The following ZBTB5 variants were observed in gnomAD, a reference collection of about 807,000 sequenced individuals.
ZBTB5 encodes the protein zinc finger and BTB domain containing 5.
A neutral mutation model predicts 37.9 loss-of-function variants in ZBTB5; 15 were observed. The ratio of observed to expected loss-of-function variants is 0.40; its 90% CI spans 0.26 to 0.61. ZBTB5 has a LOEUF of 0.61. ZBTB5 is among the 20% of genes least tolerant of loss of function. The pLI is 0.47. For synonymous variants in ZBTB5, 315 were observed against 312.4 expected (o/e 1.01, Z -0.09); for missense variants, 708 against 856.8 (o/e 0.83, Z 2.17).
At chr9:37,455,622 T>C (rs1824172670) in intron 1 of ZBTB5, among the ~76,000 whole-genome samples, 1 of 152,190 alleles carries the variant, frequency 6.6e-6, no homozygotes, top group Non-Finnish European at 1.5e-5. Flanking sequence ...TGCCTGTCTC[T>C]GTGCTCCTCC....
At position 37,440,504 on chromosome 9, in the gene ZBTB5, G is replaced by T; in HGVS notation, c.*14C>A. 1 of 1,611,416 alleles carries T rather than the reference G, an allele frequency of 6.2e-7. No individual in the cohort carries two copies. The highest frequency in any genetic ancestry group is 8.5e-7 in the Non-Finnish European group (1 of 1,177,914). ...TGACAACTGGCCTCAGCGTTGTCTT[G>T]TAAGGACAAACAGCTAGAGCAAAGT... On this transcript the variant is annotated 3_prime_UTR_variant, in exon 2 of 2. Transcript: ENST00000307750.
rs527680785 is a variant in ZBTB5 at position 37,459,989 on chromosome 9, C to T, written c.-5+5226G>A. Among the ~76,000 whole-genome samples, 74 of 143,000 alleles carry T rather than the reference C, an allele frequency of 5.2e-4. No homozygotes were observed. In the East Asian group the frequency reaches 0.015, roughly 28 times the overall value. The allele number at this position is 143,000 out of a possible 152,430, so 93.8% of individuals were successfully genotyped here. On this transcript the variant is annotated intron_variant, in intron 1 of 1. Transcript: ENST00000307750. ...CCTCCCAAAGTGCTGGGATTACAGG[C>T]GTGAGCCACTGCGCCAGGCCATTTT... is the stretch of plus-strand genomic sequence containing the variant.
chr9:37,458,423 C>T (rs1477095750), intron 1 of ZBTB5, among the ~76,000 whole-genome samples: 1 of 152,208 alleles, frequency 6.6e-6, no homozygotes, highest in Non-Finnish European at 1.5e-5. Context: ...CAACTAATTG[C>T]TTTTCTCATG....
At chr9:37,443,720 TAGG>T (rs1023569522) in intron 1 of ZBTB5, among the ~76,000 whole-genome samples, 62 of 152,174 alleles carry the variant, frequency 4.1e-4, no homozygotes, top group African/African-American at 1.4e-3. Context: ...TGCCTGAGCT[TAGG>T]AGTTTGAGAC....
At chr9:37,454,178 C>G (rs1334556032) in intron 1 of ZBTB5, among the ~76,000 whole-genome samples, 1 of 152,122 alleles carries the variant, frequency 6.6e-6, no homozygotes, top group African/African-American at 2.4e-5. Context: ...TTTAAAAATT[C>G]AGTTCATTTG....
chr9:37,456,231 G>A (rs76326480), intron 1 of ZBTB5, among the ~76,000 whole-genome samples: 14 of 152,096 alleles, frequency 9.2e-5, no homozygotes, highest in South Asian at 6.2e-4. Context: ...GATTACAGCC[G>A]TGAGCCACCC....
intron 1 of ZBTB5, among the ~76,000 whole-genome samples, chr9:37,463,729 T>C (rs984142690): frequency 1.3e-5 from 2 of 152,214 alleles, no homozygotes; most frequent in Non-Finnish European, 2.9e-5. Context: ...AGAATTCTGC[T>C]AGAGACATAT....
intron 1 of ZBTB5, among the ~76,000 whole-genome samples, chr9:37,460,331 G>A (rs892185826): frequency 1.2e-4 from 18 of 152,120 alleles, no homozygotes; most frequent in African/African-American, 4.3e-4. Flanking sequence ...CAGCTACTCG[G>A]GGGCTGAGGC....
intron 1 of ZBTB5, among the ~76,000 whole-genome samples, chr9:37,454,997 TAGA>T (rs958774782): frequency 6.6e-6 from 1 of 152,154 alleles, no homozygotes; most frequent in South Asian, 2.1e-4. Flanking sequence ...AAATGCTGGG[TAGA>T]AGAAGGCAGT....
rs534618981 is a variant in ZBTB5 at position 37,460,440 on chromosome 9, C to G, written c.-5+4775G>C. 3.1e-4 allele frequency among the ~76,000 whole-genome samples: 47 copies of G among 151,738 alleles called. No individual in the cohort carries two copies. The South Asian group carries it at 6.2e-3, about 20-fold the overall frequency. On this transcript the variant is annotated intron_variant, in intron 1 of 1. Transcript: ENST00000307750. ...GGGCAATAAGAGTGAACACTCCCCC[C>G]CCAAAAAAATTAGGCCAGATGCGGG...
rs1387684366 is a variant in ZBTB5, at chr9:37,465,255, C to A, written c.-45G>T. The stretch of plus-strand genomic sequence containing the variant: ...CCCCCCTCCTCCTCGCTGAAGGAGG[C>A]GGTGACCCCTCTCCGATCGGACTCG... On this transcript the variant is annotated 5_prime_UTR_variant, in exon 1 of 2. Transcript: ENST00000307750. 1 of 152,166 alleles carries A rather than the reference C, an allele frequency of 6.6e-6. No individual in the cohort carries two copies. The highest frequency in any genetic ancestry group is 2.4e-5 in the African/African-American group (1 of 41,434). 9.4% of individuals were successfully genotyped at this position (152,166 alleles called of 1,614,324 possible).
intron 1 of ZBTB5, among the ~76,000 whole-genome samples, chr9:37,445,408 C>A (rs1008114679): frequency 6.6e-6 from 1 of 151,904 alleles, no homozygotes; most frequent in Non-Finnish European, 1.5e-5. Flanking sequence ...TTTGGGAGAC[C>A]GAGGTAGGTG....
Position 37,441,631 on chromosome 9 carries a change from T to G in ZBTB5, c.921A>C (p.Lys307Asn), listed in dbSNP as rs771377271. The change falls in exon 2 of 2, where the codon AAA becomes AAC. Residue 307 changes from lysine to asparagine, a missense_variant. By Grantham distance (94) the Lys-to-Asn change is moderately conservative. Around this residue, in one of 3 missense-constraint regions of ZBTB5, gnomAD observed 639 missense variants for 690.5 expected, o/e 0.93. Transcript: ENST00000307750. ...TSFDQEAAPE[K>N]SSFQCENPEV... ...CAGGGTTTTCACACTGAAAACTACTTTTCTCAGGTGCAGCTTCCTGATCAA... is the reference window on the plus strand; with the variant it reads ...CAGGGTTTTCACACTGAAAACTACTGTTCTCAGGTGCAGCTTCCTGATCAA... The G allele has an allele frequency of 1.9e-6, 3 of 1,613,584 alleles. No individual in the cohort carries two copies. In the Admixed American group the frequency reaches 5.0e-5, roughly 27 times the overall value.
intron 1 of ZBTB5, among the ~76,000 whole-genome samples, chr9:37,460,455 C>T (rs900990091): frequency 2.0e-5 from 3 of 151,760 alleles, no homozygotes; most frequent in Non-Finnish European, 4.4e-5. Context: ...AAAAATTAGG[C>T]CAGATGCGGG....
chr9:37,441,619 C>A lies in ZBTB5; in HGVS notation c.933G>T (p.Gln311His). The change falls in exon 2 of 2, where the codon CAG (glutamine) becomes CAT (histidine). Residue 311 changes from glutamine (Q) to histidine (H), a missense_variant. Around this residue, in one of 3 missense-constraint regions of ZBTB5, gnomAD observed 639 missense variants for 690.5 expected, o/e 0.93. Transcript: ENST00000307750. ...CAAGGCCAACCTCAGGGTTTTCACA[C>A]TGAAAACTACTTTTCTCAGGTGCAG... ...QEAAPEKSSFQCENPEVGLGE... is the reference protein window; with the variant it reads ...QEAAPEKSSFHCENPEVGLGE... The A allele has an allele frequency of 6.2e-7, 1 of 1,613,406 alleles. No homozygotes were observed.
intron 1 of ZBTB5, among the ~76,000 whole-genome samples, chr9:37,444,355 C>T (rs1323909817): frequency 1.3e-5 from 2 of 152,084 alleles, no homozygotes; most frequent in African/African-American, 4.8e-5. Flanking sequence ...CACGCCACCA[C>T]ACCCGGCTAA....
Position 37,450,525 on chromosome 9 carries a change from A to T in ZBTB5, c.-4-7970T>A, listed in dbSNP as rs1294672673. 3.9e-5 allele frequency among the ~76,000 whole-genome samples: 6 copies of T among 152,230 alleles called. No individual in the cohort carries two copies. The East Asian group carries it at 1.2e-3, about 29-fold the overall frequency. ...TACAAGGAGAAATTAACAAATTCAT[A>T]AAGAACAGTATTACCTTTAACCAAG... On this transcript the variant is annotated intron_variant, in intron 1 of 1. Transcript: ENST00000307750.
intron 1 of ZBTB5, among the ~76,000 whole-genome samples, chr9:37,464,223 G>A (rs1824346538): frequency 6.6e-6 from 1 of 152,168 alleles, no homozygotes; most frequent in Non-Finnish European, 1.5e-5. Context: ...TAATGACTAA[G>A]GCACAGCATT....
At chr9:37,461,494 A>C (rs753405590) in intron 1 of ZBTB5, among the ~76,000 whole-genome samples, 1 of 152,210 alleles carries the variant, frequency 6.6e-6, no homozygotes, top group Non-Finnish European at 1.5e-5. Context: ...TTGGGAGGCC[A>C]AGGCAGTCGG....
Sources: allele counts gnomAD v4.1 joint callset (sites outside exome capture counted in the v4.1 genomes callset), GRCh38; gene constraint gnomAD v4.1.1; regional missense constraint gnomAD v4.1.1; transcripts MANE v1.5; gene names NCBI Gene and HGNC (gene_info 2026-07-23, HGNC 2026-07-21).